Variants in RAG2 observed in about 807,000 individuals in gnomAD.
The protein encoded by RAG2 is recombination activating 2.
RAG2 carries 16 observed loss-of-function variants against 31.8 expected under a neutral mutation model. The ratio of observed to expected loss-of-function variants is 0.50; its 90% CI spans 0.34 to 0.76. The LOEUF (loss-of-function observed/expected upper bound fraction) is 0.76, where lower values mean the gene tolerates loss of function less well. Among genes scored for constraint, RAG2 ranks in the 30% least tolerant of loss-of-function variants. The pLI is 0.01. For missense variants in RAG2, 622 were observed against 628.5 expected, an observed-to-expected ratio of 0.99 and a Z score of 0.11; for synonymous variants, 199 against 215.9, an observed-to-expected ratio of 0.92 and a Z score of 0.68.
Position 36,592,682 on chromosome 11 carries a change from G to T in RAG2, c.1487C>A (p.Pro496His). The change falls in exon 2 of 2, where the codon CCC becomes CAC. Residue 496 changes from proline (P) to histidine (H), a missense_variant. By Grantham distance (77) the Pro-to-His change is moderately conservative (BLOSUM62 -2). Coordinates refer to ENST00000311485, the MANE Select transcript of RAG2 (RefSeq NM_000536.4). ...RALHTPQRVL[P>H]LKKPPMKSLR... ...GGATTTCATTGGAGGCTTTTTTAAG[G>T]GTAGGACTCTTTGGGGAGTGTGTAG... 1 of 1,614,060 alleles carries T rather than the reference G, an allele frequency of 6.2e-7. No individual in the cohort carries two copies. Among genetic ancestry groups the T allele is most frequent in the Non-Finnish European group, 8.5e-7 (1 of 1,180,010 alleles).
Position 36,592,508 on chromosome 11 carries a change from T to C in RAG2, c.*77A>G, listed in dbSNP as rs1851037657. The C allele has an allele frequency of 6.6e-7, 1 of 1,523,952 alleles. No homozygotes were observed. Among genetic ancestry groups the C allele is most frequent in the Non-Finnish European group, 8.9e-7 (1 of 1,126,234 alleles). 94.4% of individuals were successfully genotyped at this position (1,523,952 alleles called of 1,614,324 possible). Reference sequence around the variant, plus strand: ...GGCATTTTAAATAAACAAAAATGTATTTTTAAAATCAATGTTATGATTTTA... The same window carrying C: ...GGCATTTTAAATAAACAAAAATGTACTTTTAAAATCAATGTTATGATTTTA... On this transcript the variant is annotated 3_prime_UTR_variant, in exon 2 of 2. Transcript: ENST00000311485.
At chr11:36,594,247 G>C in intron 1 of RAG2, 52 bp from the exon 2 acceptor site, 1 of 1,159,790 alleles carries the variant, frequency 8.6e-7, no homozygotes, top group Non-Finnish European at 1.3e-6. Flanking sequence ...TATAATCATC[G>C]TATTTAGATT....
At position 36,593,305 on chromosome 11, in the gene RAG2, G is replaced by A. The variant is rs776334417; in HGVS notation, c.864C>T (p.Asn288=). The A allele has an allele frequency of 1.2e-6, 2 of 1,614,096 alleles. No homozygotes were observed. Among genetic ancestry groups the A allele is most frequent in the Non-Finnish European group, 1.7e-6 (2 of 1,180,000 alleles). The change falls in exon 2 of 2, where the codon AAC becomes AAT. Residue 288 remains asparagine (N), a synonymous_variant. Coordinates refer to ENST00000311485, the MANE Select transcript of RAG2 (RefSeq NM_000536.4). ...QLENQKRMIC[N]IISLEDNKIE... Reference sequence around the variant, plus strand: ...TCTTGTTGTCCTCTAAAGAGATGATGTTGCAGATCATTCTTTTTTGATTTT... The same window carrying A: ...TCTTGTTGTCCTCTAAAGAGATGATATTGCAGATCATTCTTTTTTGATTTT...
chr11:36,592,805 T>G lies in RAG2; in HGVS notation c.1364A>C (p.His455Pro). Residue 455 changes from histidine (H) to proline (P), a missense_variant, in exon 2 of 2, where the codon CAT (histidine) becomes CCT (proline). His to Pro is a moderately conservative substitution (Grantham distance 77, BLOSUM62 -2). Transcript: ENST00000311485. ...TTCTGCCAGATCCATGCACTGAGCA[T>G]GGACCCAGTGCCCATCCCCATGAGA... ...YCSHGDGHWV[H>P]AQCMDLAERT... 2 of 1,614,178 alleles carry G rather than the reference T, an allele frequency of 1.2e-6. No individual in the cohort carries two copies. Among genetic ancestry groups the G allele is most frequent in the Non-Finnish European group, 1.7e-6 (2 of 1,180,040 alleles).
At position 36,592,967 on chromosome 11, in the gene RAG2, G is replaced by T. The variant is rs774798451; in HGVS notation, c.1202C>A (p.Thr401Asn). ...NSFDGDDEFD[T>N]YNEDDEEDES... ...ATCTTCTTCATCATCTTCATTATAG[G>T]TGTCAAATTCATCATCACCATCAAA... Residue 401 changes from threonine (T) to asparagine (N), a missense_variant, in exon 2 of 2, where the codon ACC (threonine) becomes AAC (asparagine). Transcript: ENST00000311485. 1.2e-6 allele frequency: 2 copies of T among 1,613,942 alleles called. No homozygotes were observed. The highest frequency in any genetic ancestry group is 1.7e-5 in the Admixed American group (1 of 60,000).
At position 36,591,993 on chromosome 11, in the gene RAG2, A is replaced by G. The variant is rs978083144; in HGVS notation, c.*592T>C. 6.5e-6 allele frequency: 1 copy of G among 153,136 alleles called. No individual in the cohort carries two copies. Among genetic ancestry groups the G allele is most frequent in the African/African-American group, 2.4e-5 (1 of 41,458 alleles). 9.5% of individuals were successfully genotyped at this position (153,136 alleles called of 1,614,324 possible). ...TTTGTGTCAGTGGAGAACATTATCTATCTATATGTATACATATATTTATAT... is the reference window on the plus strand; with the variant it reads ...TTTGTGTCAGTGGAGAACATTATCTGTCTATATGTATACATATATTTATAT... On this transcript the variant is annotated 3_prime_UTR_variant, in exon 2 of 2. Transcript: ENST00000311485.
In RAG2 at chr11:36,593,708, A is replaced by G. The variant is rs17852002; in HGVS notation, c.461T>C (p.Val154Ala). 9 of 1,614,182 alleles carry G rather than the reference A, an allele frequency of 5.6e-6. No individual in the cohort carries two copies. Among genetic ancestry groups the G allele is most frequent in the Non-Finnish European group, 6.8e-6 (8 of 1,180,016 alleles). The part of the protein sequence containing the change: ...VVYSRGKSMG[V>A]LFGGRSYMPS... ...CATGTATGAGCGTCCTCCAAAGAGA[A>G]CACCCATACTTTTCCCTCGGCTGTA... is the stretch of plus-strand genomic sequence containing the variant. Residue 154 changes from valine to alanine, a missense_variant, in exon 2 of 2, where the codon GTT becomes GCT. Transcript: ENST00000311485.
intron 1 of RAG2, among the ~76,000 whole-genome samples, chr11:36,596,224 T>TTTTTG (rs1851239020): frequency 1.4e-5 from 2 of 148,052 alleles, no homozygotes; most frequent in African/African-American, 4.9e-5. Flanking sequence ...TTTTTTTTGT[T>TTTTTG]TTTTTTTTTT....
Position 36,593,986 on chromosome 11 carries a change from A to G in RAG2, c.183T>C (p.Ile61=). The change falls in exon 2 of 2, where the codon ATT becomes ATC. Residue 61 remains isoleucine (I), a synonymous_variant. Transcript: ENST00000311485. The stretch of plus-strand genomic sequence containing the variant: ...GGAGGTAGCAGGAATCCTTAGAGAA[A>G]ATTGTAGGCTTCAGTTTGACATGGT... The part of the protein sequence containing the change: ...KHNHVKLKPT[I]FSKDSCYLPP... 6.2e-7 allele frequency: 1 copy of G among 1,614,150 alleles called. No homozygotes were observed. Among genetic ancestry groups the G allele is most frequent in the Non-Finnish European group, 8.5e-7 (1 of 1,180,024 alleles).
rs1851035275 is a variant in RAG2 at position 36,592,433 on chromosome 11, T to A, written c.*152A>T. The A allele has an allele frequency of 1.0e-6, 1 of 976,540 alleles. No individual in the cohort carries two copies. The highest frequency in any genetic ancestry group is 1.7e-5 in the South Asian group (1 of 58,278). The allele number at this position is 976,540 out of a possible 1,614,324, so 60.5% of individuals were successfully genotyped here. On this transcript the variant is annotated 3_prime_UTR_variant, in exon 2 of 2. Transcript: ENST00000311485. ...AGAATGACTTTATTTATCATTGCAT[T>A]ATAAACACTTTTTTCTGGCCCTTAA...
intron 1 of RAG2, among the ~76,000 whole-genome samples, chr11:36,597,340 C>T (rs1400123303): frequency 1.3e-5 from 2 of 152,098 alleles, no homozygotes; most frequent in African/African-American, 2.4e-5. Flanking sequence ...TCTAAAATAA[C>T]CTACTGAAGT....
intron 1 of RAG2, 164 bp from the exon 2 acceptor site, chr11:36,594,359 C>G (rs1851117877): frequency 3.2e-6 from 2 of 617,240 alleles, no homozygotes; most frequent in Non-Finnish European, 5.7e-6. Flanking sequence ...GCCACAGAAC[C>G]TTTACTGCCA....
rs145860209 is a variant in RAG2 at position 36,592,995 on chromosome 11, T to C, written c.1174A>G (p.Ser392Gly). Residue 392 changes from serine to glycine, a missense_variant, in exon 2 of 2, where the codon AGT becomes GGT. Ser to Gly is a moderately conservative substitution (Grantham distance 56). Coordinates refer to ENST00000311485, the MANE Select transcript of RAG2 (RefSeq NM_000536.4). ...TCAAATTCATCATCACCATCAAAAC[T>C]ATTTGCTTCTGCACTGAAACAAAAT... Reference protein sequence around the residue: ...EEFCFSAEANSFDGDDEFDTY... With the variant: ...EEFCFSAEANGFDGDDEFDTY... 6.2e-7 allele frequency: 1 copy of C among 1,614,160 alleles called. No individual in the cohort carries two copies. Among genetic ancestry groups the C allele is most frequent in the African/African-American group, 1.3e-5 (1 of 75,044 alleles).
At position 36,593,881 on chromosome 11, in the gene RAG2, C is replaced by T. The variant is rs1312473059; in HGVS notation, c.288G>A (p.Gly96=). The T allele has an allele frequency of 3.7e-6, 6 of 1,614,208 alleles. No individual in the cohort carries two copies. In the South Asian group the frequency reaches 4.4e-5, roughly 12 times the overall value. ...CTGAAACCTCATTGTTTGGTGTTTT[C>T]CCTCCATGGATGATGTATTGATGCT... The part of the protein sequence containing the change: ...SEKHQYIIHG[G]KTPNNEVSDK... Residue 96 remains glycine, a synonymous_variant, in exon 2 of 2, where the codon GGG becomes GGA. Transcript: ENST00000311485.
rs760303499 is a variant in RAG2 at position 36,592,979 on chromosome 11, T to C, written c.1190A>G (p.Asp397Gly). 2.5e-6 allele frequency: 4 copies of C among 1,613,996 alleles called. No homozygotes were observed. Among genetic ancestry groups the C allele is most frequent in the Non-Finnish European group, 3.4e-6 (4 of 1,180,012 alleles). Residue 397 changes from aspartate (D) to glycine (G), a missense_variant, in exon 2 of 2, where the codon GAT (aspartate) becomes GGT (glycine). Physicochemically the swap from Asp to Gly is moderately conservative, Grantham distance 94. Coordinates refer to ENST00000311485, the MANE Select transcript of RAG2 (RefSeq NM_000536.4). ...SAEANSFDGD[D>G]EFDTYNEDDE... The stretch of plus-strand genomic sequence containing the variant: ...ATCTTCATTATAGGTGTCAAATTCA[T>C]CATCACCATCAAAACTATTTGCTTC...
In RAG2 at chr11:36,592,696, G is replaced by C. The variant is rs1234811101; in HGVS notation, c.1473C>G (p.Pro491=). The change falls in exon 2 of 2, where the codon CCC becomes CCG. Residue 491 remains proline (P), a synonymous_variant. Coordinates refer to ENST00000311485, the MANE Select transcript of RAG2 (RefSeq NM_000536.4). The stretch of plus-strand genomic sequence containing the variant: ...GCTTTTTTAAGGGTAGGACTCTTTG[G>C]GGAGTGTGTAGAGCTCTTGCTATCT... ...HVEIARALHT[P]QRVLPLKKPP... 6.2e-7 allele frequency: 1 copy of C among 1,613,956 alleles called. No homozygotes were observed. Among genetic ancestry groups the C allele is most frequent in the Non-Finnish European group, 8.5e-7 (1 of 1,180,010 alleles).
intron 1 of RAG2, 81 bp from the exon 2 acceptor site, chr11:36,594,276 A>AT (rs1851115016): frequency 1.4e-5 from 13 of 957,142 alleles, no homozygotes; most frequent in Non-Finnish European, 2.0e-5. Flanking sequence ...TGTGAATAGC[A>AT]TTTTTTTAAG....
rs1306056884 is a variant in RAG2 at position 36,592,706 on chromosome 11, A to G, written c.1463T>C (p.Leu488Pro). 2 of 1,613,942 alleles carry G rather than the reference A, an allele frequency of 1.2e-6. No individual in the cohort carries two copies. The highest frequency in any genetic ancestry group is 2.7e-5 in the African/African-American group (2 of 74,860). The change falls in exon 2 of 2, where the codon CTA becomes CCA. Residue 488 changes from leucine (L) to proline (P), a missense_variant. Leu to Pro is a moderately conservative substitution (Grantham distance 98). Transcript: ENST00000311485. ...GGGTAGGACTCTTTGGGGAGTGTGT[A>G]GAGCTCTTGCTATCTCCACATGCTC... Reference protein sequence around the residue: ...CNEHVEIARALHTPQRVLPLK... With the variant: ...CNEHVEIARAPHTPQRVLPLK...
chr11:36,595,865 G>A (rs1225944621), intron 1 of RAG2, among the ~76,000 whole-genome samples: 1 of 152,224 alleles, frequency 6.6e-6, no homozygotes, highest in Non-Finnish European at 1.5e-5. Context: ...TTTAGGATAT[G>A]GGAATCAGGT....
Sources: gnomAD v4.1 joint callset for allele counts (sites outside exome capture counted in the v4.1 genomes callset) on GRCh38, gnomAD v4.1.1 for gene constraint, MANE v1.5 for transcripts, NCBI Gene and HGNC (gene_info 2026-07-23, HGNC 2026-07-21) for gene names.